Variants in ELK3 observed in about 807,000 individuals in gnomAD.
The protein encoded by ELK3 is ETS domain-containing protein Elk-3.
Under a neutral mutation model 28.9 loss-of-function variants are expected in ELK3, and 10 were observed. The ratio of observed to expected loss-of-function variants is 0.35; its 90% CI spans 0.21 to 0.59. The LOEUF is 0.59. Among genes scored for constraint, ELK3 ranks in the 20% least tolerant of loss-of-function variants. ELK3 has a pLI of 0.82. For missense variants in ELK3, 463 were observed against 517.3 expected, an observed-to-expected ratio of 0.90 and a Z score of 1.02; for synonymous variants, 272 against 243.5, an observed-to-expected ratio of 1.12 and a Z score of -1.09.
intron 2 of ELK3, among the ~76,000 whole-genome samples, chr12:96,235,697 G>A (rs896638489): frequency 2.0e-5 from 3 of 152,132 alleles, no homozygotes; most frequent in Non-Finnish European, 4.4e-5. Context: ...CACACTGCCC[G>A]GCCATGCCAT....
chr12:96,216,876 G>A (rs1254113483), intron 1 of ELK3, among the ~76,000 whole-genome samples: 2 of 152,200 alleles, frequency 1.3e-5, no homozygotes, highest in Non-Finnish European at 2.9e-5. Context: ...CTTTGCTGTT[G>A]AACCCAGAGA....
At chr12:96,239,905 CAT>C (rs1290903829) in intron 2 of ELK3, among the ~76,000 whole-genome samples, 2 of 152,260 alleles carry the variant, frequency 1.3e-5, no homozygotes, top group Admixed American at 6.5e-5. Context: ...CGGGGCCTGA[CAT>C]GTGGCGTCTC....
In ELK3 at chr12:96,226,826, TAAG is replaced by T. The variant is rs201791989; in HGVS notation, c.207+3059_207+3061del. On this transcript the variant is annotated intron_variant, in intron 2 of 4. Coordinates refer to ENST00000228741, the MANE Select transcript of ELK3 (RefSeq NM_005230.4). ...GAAAAGAAGGAGAGGGGGAGGAAGA[TAAG>T]AAGAAAAGAGATGGTTGAGGGAAAT... Among the ~76,000 whole-genome samples, 1,251 of 149,734 alleles carry T rather than the reference TAAG, an allele frequency of 8.4e-3. 22 individuals are homozygous for T. The highest frequency in any genetic ancestry group is 0.027 in the African/African-American group (1,092 of 40,576).
At chr12:96,195,436 C>G (rs1430533621) in intron 1 of ELK3, among the ~76,000 whole-genome samples, 1 of 152,196 alleles carries the variant, frequency 6.6e-6, no homozygotes, top group Admixed American at 6.5e-5. Context: ...CCTTCCACTC[C>G]CCATCCCTGT....
At chr12:96,204,391 A>G (rs1173194017) in intron 1 of ELK3, among the ~76,000 whole-genome samples, 5 of 152,230 alleles carry the variant, frequency 3.3e-5, no homozygotes, top group Non-Finnish European at 7.3e-5. Context: ...TGGAAATAAC[A>G]AAAGATTCTG....
At chr12:96,224,939 A>T (rs910671178) in intron 2 of ELK3, among the ~76,000 whole-genome samples, 1 of 152,250 alleles carries the variant, frequency 6.6e-6, no homozygotes, top group East Asian at 1.9e-4. Context: ...AAGTAGAGAC[A>T]TCATTAATTA....
intron 2 of ELK3, among the ~76,000 whole-genome samples, chr12:96,237,301 C>T (rs79008093): frequency 0.039 from 5,861 of 152,152 alleles, 193 homozygotes; most frequent in East Asian, 0.12. Context: ...CTGGGTGTGG[C>T]GGCTCACGCT....
At chr12:96,203,892 G>A (rs1326601375) in intron 1 of ELK3, among the ~76,000 whole-genome samples, 1 of 152,180 alleles carries the variant, frequency 6.6e-6, no homozygotes, top group Non-Finnish European at 1.5e-5. Context: ...AGTGAGCCGA[G>A]ATTGTGCCAT....
intron 4 of ELK3, 125 bp downstream of exon 4, chr12:96,259,978 G>T: frequency 2.3e-6 from 3 of 1,295,078 alleles, no homozygotes; most frequent in East Asian, 5.2e-5. Flanking sequence ...TCCAGAGGGG[G>T]TTCATGTTAG....
chr12:96,203,592 C>CA (rs1951520328), intron 1 of ELK3, among the ~76,000 whole-genome samples: 1 of 152,172 alleles, frequency 6.6e-6, no homozygotes, highest in South Asian at 2.1e-4. Context: ...TGCATATGTC[C>CA]ATCTCTTTTC....
chr12:96,209,372 A>C (rs1376145812), intron 1 of ELK3, among the ~76,000 whole-genome samples: 3 of 152,200 alleles, frequency 2.0e-5, no homozygotes, highest in African/African-American at 4.8e-5. Context: ...TGATTTAGAA[A>C]GATTTTACAG....
intron 2 of ELK3, among the ~76,000 whole-genome samples, chr12:96,232,582 T>A (rs555394309): frequency 0.025 from 2,444 of 99,026 alleles, 47 homozygotes; most frequent in Admixed American, 0.094. Context: ...AAAAAAAAAA[T>A]AAATAAAAAT....
At chr12:96,264,807 A>G (rs1038437500) in intron 4 of ELK3, among the ~76,000 whole-genome samples, 10 of 152,124 alleles carry the variant, frequency 6.6e-5, no homozygotes, top group Non-Finnish European at 1.3e-4. Flanking sequence ...AAACATAACA[A>G]TAGTTAACAT....
chr12:96,223,171 G>GAC (rs1449771589), intron 1 of ELK3, among the ~76,000 whole-genome samples: 1 of 152,136 alleles, frequency 6.6e-6, no homozygotes, highest in Non-Finnish European at 1.5e-5. Context: ...CTATATCACG[G>GAC]ACCCACAAAG....
At chr12:96,260,469 G>C (rs974990259) in intron 4 of ELK3, among the ~76,000 whole-genome samples, 1 of 152,134 alleles carries the variant, frequency 6.6e-6, no homozygotes, top group Non-Finnish European at 1.5e-5. Flanking sequence ...AGTTCTCCTT[G>C]TTCTGTAATG....
At chr12:96,230,449 G>A (rs897452084) in intron 2 of ELK3, among the ~76,000 whole-genome samples, 1 of 152,064 alleles carries the variant, frequency 6.6e-6, no homozygotes, top group Non-Finnish European at 1.5e-5. Flanking sequence ...GTGATGGTTC[G>A]ATTCAGCAAA....
chr12:96,234,290 A>T (rs1171539124), intron 2 of ELK3, among the ~76,000 whole-genome samples: 2 of 152,124 alleles, frequency 1.3e-5, no homozygotes, highest in Non-Finnish European at 2.9e-5. Context: ...GTTGATGAGG[A>T]TGCTTCTGCG....
chr12:96,208,324 T>C (rs1951552523), intron 1 of ELK3, among the ~76,000 whole-genome samples: 1 of 152,236 alleles, frequency 6.6e-6, no homozygotes, highest in South Asian at 2.1e-4. Context: ...ATTGCTGGGA[T>C]TACAGGCGTT....
chr12:96,242,074 G>A (rs533711152), intron 2 of ELK3, among the ~76,000 whole-genome samples: 73 of 152,336 alleles, frequency 4.8e-4, no homozygotes, highest in African/African-American at 1.5e-3. Context: ...GACCAGCATC[G>A]CTCAGGTTAC....
Sources: allele counts gnomAD v4.1 joint callset (sites outside exome capture counted in the v4.1 genomes callset), GRCh38; gene constraint gnomAD v4.1.1; transcripts MANE v1.5; gene names NCBI Gene and HGNC (gene_info 2026-07-23, HGNC 2026-07-21).